Variants in DNAJC21 observed in about 807,000 individuals in gnomAD.
DNAJC21 encodes dnaJ homolog subfamily C member 21.
A neutral mutation model predicts 72.4 loss-of-function variants in DNAJC21; 63 were observed. The ratio of observed to expected loss-of-function variants is 0.87; its 90% CI spans 0.71 to 1.07. The LOEUF (loss-of-function observed/expected upper bound fraction) is 1.07. Among genes scored for constraint, DNAJC21 ranks in the 50% least tolerant of loss-of-function variants. The pLI is 0.00. For synonymous variants in DNAJC21, 203 were observed against 216.7 expected (o/e 0.94, Z 0.56); for missense variants, 634 against 644.8 (o/e 0.98, Z 0.18).
intron 1 of DNAJC21, among the ~76,000 whole-genome samples, chr5:34,931,746 C>T (rs971653891): frequency 5.9e-5 from 9 of 151,768 alleles, no homozygotes; most frequent in Non-Finnish European, 1.0e-4. Flanking sequence ...AGGGAGAGTC[C>T]GCAGTGGACA....
rs1001000453 is a variant in DNAJC21 at position 34,938,891 on chromosome 5, G to A, written c.777G>A (p.Met259Ile). ...LVEQYREQSW[M>I]TMANLEKELQ... ...AGCAGTACAGAGAACAGAGCTGGAT[G>A]ACTATGGCCAATTTGGAGAAAGAGC... The change falls in exon 6 of 12, where the codon ATG (methionine) becomes ATA (isoleucine). Residue 259 changes from methionine to isoleucine, a missense_variant. Physicochemically the swap from Met to Ile is conservative, Grantham distance 10 (BLOSUM62 1). Coordinates refer to ENST00000648817, the MANE Select transcript of DNAJC21 (RefSeq NM_001012339.3). 3 of 1,614,154 alleles carry A rather than the reference G, an allele frequency of 1.9e-6. No individual in the cohort carries two copies. In the Admixed American group the frequency reaches 5.0e-5, roughly 27 times the overall value.
chr5:34,952,404 G>A, intron 10 of DNAJC21: 2 of 304,216 alleles, frequency 6.6e-6, no homozygotes, highest in Non-Finnish European at 4.8e-6. Flanking sequence ...TTTTTTAAAT[G>A]CATAGGCCGT....
chr5:34,957,567 G>C lies in DNAJC21; in HGVS notation c.*2853G>C, dbSNP rs1261870151. Reference sequence around the variant, plus strand: ...GCTGGTGAAGTAATATTGGAATTTTGGTACCATGAGAAGACTTATAAAGGA... The same window carrying C: ...GCTGGTGAAGTAATATTGGAATTTTCGTACCATGAGAAGACTTATAAAGGA... On this transcript the variant is annotated 3_prime_UTR_variant, in exon 12 of 12. Coordinates refer to ENST00000648817, the MANE Select transcript of DNAJC21 (RefSeq NM_001012339.3). 6.6e-6 allele frequency: 1 copy of C among 152,058 alleles called. No homozygotes were observed. 9.4% of individuals were successfully genotyped at this position (152,058 alleles called of 1,614,324 possible).
At chr5:34,949,229 A>G (rs1765274234) in intron 9 of DNAJC21, among the ~76,000 whole-genome samples, 1 of 152,218 alleles carries the variant, frequency 6.6e-6, no homozygotes, top group Admixed American at 6.5e-5. Context: ...GTATTATGCT[A>G]GAAATGTTTA....
intron 4 of DNAJC21, 53 bp downstream of exon 4, chr5:34,936,319 T>A: frequency 1.3e-6 from 2 of 1,584,622 alleles, no homozygotes; most frequent in Non-Finnish European, 1.7e-6. Flanking sequence ...GTGTCATTTT[T>A]AAATTTTATT....
chr5:34,936,807 T>G (rs899302733), intron 4 of DNAJC21, among the ~76,000 whole-genome samples: 1 of 152,096 alleles, frequency 6.6e-6, no homozygotes, highest in Non-Finnish European at 1.5e-5. Flanking sequence ...CTGGAGTGCA[T>G]TGGCACCACC....
chr5:34,931,651 G>T (rs1764599726), intron 1 of DNAJC21, among the ~76,000 whole-genome samples: 1 of 152,174 alleles, frequency 6.6e-6, no homozygotes, highest in African/African-American at 2.4e-5. Context: ...AAATAAGGGA[G>T]AGTTGTGGCT....
At chr5:34,945,868 C>T in intron 9 of DNAJC21, 65 bp downstream of exon 9, 2 of 1,157,346 alleles carry the variant, frequency 1.7e-6, no homozygotes, top group South Asian at 3.0e-5. Context: ...CTTATTTATT[C>T]AGTGTAGTCT....
intron 2 of DNAJC21, 101 bp from the exon 3 acceptor site, chr5:34,935,609 A>G: frequency 1.3e-6 from 2 of 1,510,318 alleles, no homozygotes; most frequent in Non-Finnish European, 9.0e-7. Flanking sequence ...GGACATATCA[A>G]CAACCAAAAA....
In DNAJC21 at chr5:34,936,135, GTT is replaced by G; in HGVS notation, c.316-4_316-3del. The G allele has an allele frequency of 6.2e-7, 1 of 1,602,042 alleles. No individual in the cohort carries two copies. Among genetic ancestry groups the G allele is most frequent in the Non-Finnish European group, 8.5e-7 (1 of 1,176,684 alleles). ...GTATTAAGAATTTGTTTTTGTTACT[GTT>G]TTTTAGGGATTTTACACGGTGTATC... On this transcript the variant is annotated splice_region_variant and splice_polypyrimidine_tract_variant and intron_variant, in intron 3 of 11. Coordinates refer to ENST00000648817, the MANE Select transcript of DNAJC21 (RefSeq NM_001012339.3).
At chr5:34,931,029 A>G (rs1764571758) in intron 1 of DNAJC21, among the ~76,000 whole-genome samples, 1 of 152,234 alleles carries the variant, frequency 6.6e-6, no homozygotes, top group Non-Finnish European at 1.5e-5. Flanking sequence ...AGTGAACTCA[A>G]CAGTATGGAG....
intron 9 of DNAJC21, chr5:34,949,622 GAA>G (rs754187776): frequency 1.9e-6 from 3 of 1,606,028 alleles, no homozygotes; most frequent in Non-Finnish European, 2.6e-6. Context: ...TTGGGAGAGA[GAA>G]GAGATGGAGA....
At chr5:34,939,554 C>T (rs556594033) in intron 6 of DNAJC21, among the ~76,000 whole-genome samples, 8 of 152,276 alleles carry the variant, frequency 5.3e-5, no homozygotes, top group African/African-American at 1.9e-4. Flanking sequence ...CGTGAGCCAC[C>T]GCGCCCGGCC....
At chr5:34,940,225 A>G (rs1001858712) in intron 6 of DNAJC21, among the ~76,000 whole-genome samples, 1 of 152,228 alleles carries the variant, frequency 6.6e-6, no homozygotes, top group African/African-American at 2.4e-5. Flanking sequence ...CTTCAAATCC[A>G]GTATTGTTAA....
chr5:34,939,042 G>A, intron 6 of DNAJC21, 33 bp downstream of exon 6: 1 of 1,459,530 alleles, frequency 6.9e-7, no homozygotes. Context: ...TATCTTTTTT[G>A]TTTTTTAAGT....
chr5:34,930,123 C>T, intron 1 of DNAJC21: 1 of 393,774 alleles, frequency 2.5e-6, no homozygotes, highest in Non-Finnish European at 4.7e-6. Context: ...GCTCACACCC[C>T]ATCTCCTCAT....
intron 9 of DNAJC21, among the ~76,000 whole-genome samples, chr5:34,946,051 G>T (rs1480262151): frequency 6.6e-6 from 1 of 151,942 alleles, no homozygotes; most frequent in Non-Finnish European, 1.5e-5. Context: ...GAATTCCCCT[G>T]GTATGAATTA....
chr5:34,953,863 C>A, intron 10 of DNAJC21, 63 bp from the exon 11 acceptor site: 3 of 1,344,238 alleles, frequency 2.2e-6, no homozygotes, highest in South Asian at 2.9e-5. Flanking sequence ...AGAGAGCACT[C>A]AAATAATGAT....
intron 10 of DNAJC21, 153 bp from the exon 11 acceptor site, chr5:34,953,769 CATTT>C: frequency 2.3e-6 from 1 of 430,464 alleles, no homozygotes; most frequent in South Asian, 8.9e-5. Context: ...TAAAGATGTT[CATTT>C]AAGATGTAAA....
Sources: gnomAD v4.1 joint callset for allele counts (sites outside exome capture counted in the v4.1 genomes callset) on GRCh38, gnomAD v4.1.1 for gene constraint, MANE v1.5 for transcripts, NCBI Gene and HGNC (gene_info 2026-07-23, HGNC 2026-07-21) for gene names.